LHB: variants seen among roughly 807,000 people sequenced by gnomAD.
LHB encodes the protein lutropin subunit beta.
Under a neutral mutation model 10.6 loss-of-function variants are expected in LHB, and 11 were observed. That is an observed-to-expected ratio of 1.04 (90% CI 0.66 to 1.72). The LOEUF (loss-of-function observed/expected upper bound fraction) is 1.72. Among genes scored for constraint, LHB ranks in the 40% most tolerant of loss-of-function variants. The pLI, the probability that LHB is intolerant of heterozygous loss-of-function variation, is 0.00. For missense variants in LHB, 184 were observed against 197.3 expected (o/e 0.93, Z 0.41); for synonymous variants, 86 against 83.1 (o/e 1.03, Z -0.19).
upstream of LHB, chr19:49,017,916 C>T: frequency 2.5e-6 from 1 of 398,396 alleles, no homozygotes. Flanking sequence ...CCGAGCTCCG[C>T]TCGGCAGCGC....
upstream of LHB, chr19:49,019,290 G>A: frequency 8.3e-7 from 1 of 1,200,506 alleles, no homozygotes; most frequent in Non-Finnish European, 1.0e-6. Context: ...AACCTCCCTG[G>A]TTCCGCTCTG....
rs750990397 is a variant in LHB at position 49,016,714 on chromosome 19, C to T, written c.16G>A (p.Gly6Arg). The T allele has an allele frequency of 5.6e-6, 9 of 1,610,934 alleles. No individual in the cohort carries two copies. In the East Asian group the frequency reaches 1.3e-4, roughly 24 times the overall value. The change falls in exon 2 of 3, where the codon GGG (glycine) becomes AGG (arginine). Residue 6 changes from glycine (G) to arginine (R), a missense_variant and splice_region_variant. Transcript: ENST00000649238. The part of the protein sequence containing the change: MEMLQ[G>R]LLLLLLLSMG... ...CTCAGCAGCAGCAACAGCAGCAGCC[C>T]CTGGGACAAGGACACTGCTTCACCC...
At chr19:49,017,584 C>G, upstream of LHB, 1 of 1,094,438 alleles carries the variant, frequency 9.1e-7, no homozygotes, top group Non-Finnish European at 1.1e-6. Context: ...CCACTTGACC[C>G]AGATGCCCCC....
upstream of LHB, chr19:49,017,156 T>C (rs1600206327): frequency 6.2e-7 from 1 of 1,606,026 alleles, no homozygotes; most frequent in South Asian, 1.1e-5. Flanking sequence ...CACCAGGAGG[T>C]GATAGGATGC....
At chr19:49,019,405 G>A, upstream of LHB, 3 of 1,257,072 alleles carry the variant, frequency 2.4e-6, no homozygotes, top group Non-Finnish European at 3.0e-6. Flanking sequence ...GAATATTCTA[G>A]TCTCCTCCCC....
At position 49,016,210 on chromosome 19, in the gene LHB, C is replaced by A; in HGVS notation, c.284G>T (p.Gly95Val). The change falls in exon 3 of 3, where the codon GGT becomes GTT. Residue 95 changes from glycine (G) to valine (V), a missense_variant. Transcript: ENST00000649238. ...ESIRLPGCPR[G>V]VDPVVSFPVA... ...AGGGAAGGAGACCACGGGGTCCACACCACGCGGGCAGCCAGGGAGCCGGAT... is the reference window on the plus strand; with the variant it reads ...AGGGAAGGAGACCACGGGGTCCACAACACGCGGGCAGCCAGGGAGCCGGAT... The A allele has an allele frequency of 1.2e-6, 2 of 1,612,464 alleles. No individual in the cohort carries two copies. The highest frequency in any genetic ancestry group is 1.7e-6 in the Non-Finnish European group (2 of 1,179,888).
intron 1 of LHB, 162 bp from the exon 2 acceptor site, chr19:49,016,876 C>T: frequency 6.3e-7 from 1 of 1,577,400 alleles, no homozygotes; most frequent in Non-Finnish European, 8.6e-7. Context: ...GCCCACCCCA[C>T]AGCCCAGAGG....
chr19:49,016,336 G>T (rs770164400), intron 2 of LHB, 26 bp from the exon 3 acceptor site: 3 of 1,608,420 alleles, frequency 1.9e-6, no homozygotes, highest in African/African-American at 2.7e-5. Flanking sequence ...GTGGGGGAAT[G>T]AGCATGTGCC....
chr19:49,018,243 A>C, upstream of LHB: 2 of 818,870 alleles, frequency 2.4e-6, no homozygotes, highest in Non-Finnish European at 1.6e-6. Flanking sequence ...GAGCGCGGAC[A>C]GGGCGGCCGC....
chr19:49,017,333 C>G (rs1347251368), upstream of LHB, among the ~76,000 whole-genome samples: 1 of 152,092 alleles, frequency 6.6e-6, no homozygotes, highest in African/African-American at 2.4e-5. Context: ...TTGTCGAGTG[C>G]TAGGGACTAG....
chr19:49,016,208 C>T lies in LHB; in HGVS notation c.286G>A (p.Val96Met), dbSNP rs149003040. The change falls in exon 3 of 3, where the codon GTG (valine) becomes ATG (methionine). Residue 96 changes from valine (V) to methionine (M), a missense_variant. Val to Met is a conservative substitution (Grantham distance 21). Transcript: ENST00000649238. ...SIRLPGCPRG[V>M]DPVVSFPVAL... ...ACAGGGAAGGAGACCACGGGGTCCA[C>T]ACCACGCGGGCAGCCAGGGAGCCGG... 9.5e-5 allele frequency: 153 copies of T among 1,612,492 alleles called. No homozygotes were observed. The highest frequency in any genetic ancestry group is 2.4e-4 in the African/African-American group (18 of 74,874).
chr19:49,016,832 T>A (rs2039563546), intron 1 of LHB, 118 bp from the exon 2 acceptor site: 2 of 1,580,316 alleles, frequency 1.3e-6, no homozygotes, highest in South Asian at 2.2e-5. Flanking sequence ...CATCTCCTAT[T>A]CAGGACCCAC....
upstream of LHB, chr19:49,018,865 C>G: frequency 6.5e-7 from 1 of 1,532,630 alleles, no homozygotes; most frequent in Non-Finnish European, 8.7e-7. Context: ...AGCGAGAGCC[C>G]GGCTTACTTG....
chr19:49,015,981 G>T lies in LHB; in HGVS notation c.*87C>A. The T allele has an allele frequency of 6.2e-7, 1 of 1,614,230 alleles. No individual in the cohort carries two copies. The highest frequency in any genetic ancestry group is 8.5e-7 in the Non-Finnish European group (1 of 1,180,046). Reference sequence around the variant, plus strand: ...GCCCACAGAAAGACACCTCCAGAGTGCGGATTGAGAAGCCTTTATTGTGGG... The same window carrying T: ...GCCCACAGAAAGACACCTCCAGAGTTCGGATTGAGAAGCCTTTATTGTGGG... On this transcript the variant is annotated 3_prime_UTR_variant, in exon 3 of 3. Transcript: ENST00000649238.
chr19:49,019,444 C>T, upstream of LHB: 1 of 1,258,120 alleles, frequency 7.9e-7, no homozygotes, highest in Non-Finnish European at 1.0e-6. Context: ...AGCTCCGCAG[C>T]AGCTTAGGAG....
intron 2 of LHB, 78 bp from the exon 3 acceptor site, chr19:49,016,388 G>A: frequency 1.2e-6 from 2 of 1,601,286 alleles, no homozygotes; most frequent in Non-Finnish European, 1.7e-6. Context: ...TGACCCCACA[G>A]GTCCTGGACT....
rs1466393061 is a variant in LHB at position 49,016,392 on chromosome 19, C to T, written c.184-82G>A. Reference sequence around the variant, plus strand: ...AGCTCCCAAGCTGACCCCACAGGTCCTGGACTCAGGAGCCCAGGAAGCCCT... The same window carrying T: ...AGCTCCCAAGCTGACCCCACAGGTCTTGGACTCAGGAGCCCAGGAAGCCCT... On this transcript the variant is annotated intron_variant, in intron 2 of 2. Coordinates refer to ENST00000649238, the MANE Select transcript of LHB (RefSeq NM_000894.3). The T allele has an allele frequency of 7.1e-4, 1,131 of 1,599,898 alleles. 10 individuals carry two copies. The African/African-American group carries it at 0.013, about 19-fold the overall frequency.
At chr19:49,016,343 T>C in intron 2 of LHB, 33 bp from the exon 3 acceptor site, 1 of 1,607,798 alleles carries the variant, frequency 6.2e-7, no homozygotes, top group African/African-American at 1.3e-5. Flanking sequence ...AATGAGCATG[T>C]GCCTGAGGCC....
In LHB at chr19:49,016,311, C is replaced by G. The variant is rs2039551475; in HGVS notation, c.184-1G>C. The G allele has an allele frequency of 1.2e-6, 2 of 1,610,588 alleles. No homozygotes were observed. Among genetic ancestry groups the G allele is most frequent in the Non-Finnish European group, 1.7e-6 (2 of 1,179,746 alleles). ...GCAGGACCGCCTGCAGCACGCGCAT[C>G]TGGAGGCCGTGTGAGTGGGGGAATG... is the stretch of plus-strand genomic sequence containing the variant. On this transcript the variant is annotated splice_acceptor_variant, in intron 2 of 2. Coordinates refer to ENST00000649238, the MANE Select transcript of LHB (RefSeq NM_000894.3). LOFTEE classifies it high-confidence loss of function.
Sources: gnomAD v4.1 joint callset for allele counts (sites outside exome capture counted in the v4.1 genomes callset) on GRCh38, gnomAD v4.1.1 for gene constraint, MANE v1.5 for transcripts, NCBI Gene and HGNC (gene_info 2026-07-23, HGNC 2026-07-21) for gene names.